Variants in CTIF observed in about 807,000 individuals in gnomAD.
CTIF encodes the protein cap binding complex dependent translation initiation factor.
CTIF carries 21 observed loss-of-function variants against 66.0 expected under a neutral mutation model. The observed-to-expected ratio is 0.32, with a 90% CI of 0.23 to 0.46. CTIF has a LOEUF of 0.46. Among genes scored for constraint, CTIF ranks in the 20% least tolerant of loss-of-function variants. The probability of loss-of-function intolerance (pLI) is 1.00; values close to 1 mark genes in which losing one functional copy is unlikely to be tolerated. For synonymous variants in CTIF, 345 were observed against 326.4 expected (o/e 1.06, Z -0.62); for missense variants, 739 against 812.7 (o/e 0.91, Z 1.10).
chr18:48,766,319 G>T (rs888874876), intron 9 of CTIF, among the ~76,000 whole-genome samples: 1 of 152,108 alleles, frequency 6.6e-6, no homozygotes, highest in Non-Finnish European at 1.5e-5. Context: ...ACCACAGTGG[G>T]AAGTCACAAG....
At chr18:48,627,455 A>C (rs1336718870) in intron 2 of CTIF, among the ~76,000 whole-genome samples, 1 of 152,076 alleles carries the variant, frequency 6.6e-6, no homozygotes, top group African/African-American at 2.4e-5. Flanking sequence ...AAGGTGACTC[A>C]CGCCTGTAAT....
At chr18:48,542,511 T>C (rs1352134655) in intron 1 of CTIF, among the ~76,000 whole-genome samples, 3 of 152,216 alleles carry the variant, frequency 2.0e-5, no homozygotes, top group Non-Finnish European at 2.9e-5. Flanking sequence ...TAGAAGTGCA[T>C]ACAAAGAAAA....
chr18:48,758,241 C>A lies in CTIF; in HGVS notation c.907C>A (p.Leu303Met), dbSNP rs201581371. 207 of 1,613,456 alleles carry A rather than the reference C, an allele frequency of 1.3e-4. No homozygotes were observed. Among genetic ancestry groups the A allele is most frequent in the Non-Finnish European group, 1.7e-4 (201 of 1,179,742 alleles). ...SLEAPRSPDT[L>M]APVASERLPP... ...TGAGGCCCCCCGCAGCCCTGACACC[C>A]TGGCCCCGGTGGCTTCTGAGCGGCT... The change falls in exon 8 of 12, where the codon CTG becomes ATG. Residue 303 changes from leucine to methionine, a missense_variant. By Grantham distance (15) the Leu-to-Met change is conservative (BLOSUM62 2). Transcript: ENST00000256413.
At chr18:48,767,785 G>T (rs1909715395) in intron 9 of CTIF, among the ~76,000 whole-genome samples, 1 of 152,178 alleles carries the variant, frequency 6.6e-6, no homozygotes, top group South Asian at 2.1e-4. Context: ...AAAGAGCGGA[G>T]AAACTCTTCA....
chr18:48,623,090 C>T (rs1457281848), intron 2 of CTIF, among the ~76,000 whole-genome samples: 1 of 152,232 alleles, frequency 6.6e-6, no homozygotes, highest in African/African-American at 2.4e-5. Context: ...GCACCAGCTC[C>T]AGGGATCAGT....
chr18:48,825,930 T>G (rs766298014), intron 10 of CTIF: 4 of 152,158 alleles, frequency 2.6e-5, no homozygotes, highest in Non-Finnish European at 4.4e-5. Flanking sequence ...CCGGCCAAGG[T>G]TAAGGAACAT....
intron 6 of CTIF, among the ~76,000 whole-genome samples, chr18:48,691,731 C>A (rs1359275848): frequency 6.6e-6 from 1 of 152,186 alleles, no homozygotes; most frequent in African/African-American, 2.4e-5. Context: ...CCTCTCCCTC[C>A]CAGACCCAAG....
At chr18:48,805,817 C>A (rs898747626) in intron 9 of CTIF, among the ~76,000 whole-genome samples, 2 of 152,226 alleles carry the variant, frequency 1.3e-5, no homozygotes, top group Non-Finnish European at 2.9e-5. Flanking sequence ...AGATTAACAG[C>A]CCCCTACCCT....
At chr18:48,787,520 G>A (rs575886899) in intron 9 of CTIF, among the ~76,000 whole-genome samples, 136 of 152,158 alleles carry the variant, frequency 8.9e-4, no homozygotes, top group Non-Finnish European at 1.8e-3. Flanking sequence ...GGCCTCAGCC[G>A]CCTCCATTCT....
chr18:48,761,285 C>A lies in CTIF; in HGVS notation c.1072-105C>A. 9.3e-7 allele frequency: 1 copy of A among 1,072,128 alleles called. No individual in the cohort carries two copies. Among genetic ancestry groups the A allele is most frequent in the Non-Finnish European group, 1.4e-6 (1 of 738,530 alleles). 66.4% of individuals were successfully genotyped at this position (1,072,128 alleles called of 1,614,324 possible). On this transcript the variant is annotated intron_variant, in intron 8 of 11. Transcript: ENST00000256413. This position sits in a 1 kb window ranked among gnomAD's most constrained non-coding sequence, Gnocchi z 4.2. ...CAGCCCTCAGATCCAGGGAAGTAGG[C>A]CTGGTCCTGCTTTCTGGGGGTGGCC... is the stretch of plus-strand genomic sequence containing the variant.
At chr18:48,627,012 AAC>A (rs2090616935) in intron 2 of CTIF, among the ~76,000 whole-genome samples, 1 of 152,214 alleles carries the variant, frequency 6.6e-6, no homozygotes, top group Non-Finnish European at 1.5e-5. Flanking sequence ...CAATTGGAAA[AAC>A]AGAGGCAAGT....
At chr18:48,693,060 T>TA (rs1446944193) in intron 6 of CTIF, among the ~76,000 whole-genome samples, 1 of 152,350 alleles carries the variant, frequency 6.6e-6, no homozygotes, top group East Asian at 1.9e-4. Context: ...ATTAGGCCCT[T>TA]ACGTGCTTTT....
At chr18:48,690,430 G>A (rs530327722) in intron 6 of CTIF, among the ~76,000 whole-genome samples, 26 of 152,192 alleles carry the variant, frequency 1.7e-4, no homozygotes, top group African/African-American at 6.0e-4. Flanking sequence ...CCATCACGTG[G>A]AAGACAAGCT....
intron 1 of CTIF, among the ~76,000 whole-genome samples, chr18:48,576,290 G>A (rs1222388691): frequency 2.0e-5 from 3 of 152,254 alleles, no homozygotes; most frequent in Non-Finnish European, 2.9e-5. Flanking sequence ...TCAGTGTCGC[G>A]TGATGTGTTC....
chr18:48,580,777 G>T (rs1244895566), intron 1 of CTIF, among the ~76,000 whole-genome samples: 1 of 152,108 alleles, frequency 6.6e-6, no homozygotes, highest in Non-Finnish European at 1.5e-5. Flanking sequence ...TTGGAATTTT[G>T]GCTCCCCCGC....
intron 7 of CTIF, among the ~76,000 whole-genome samples, chr18:48,728,022 C>T (rs188037892): frequency 1.3e-3 from 205 of 152,256 alleles, no homozygotes; most frequent in Admixed American, 2.2e-3. Context: ...CAAGAAGAAA[C>T]CAGGCAGCCC....
At chr18:48,723,087 G>A (rs975188106) in intron 7 of CTIF, among the ~76,000 whole-genome samples, 1 of 152,176 alleles carries the variant, frequency 6.6e-6, no homozygotes, top group Admixed American at 6.5e-5. Flanking sequence ...GAAAAGTGAA[G>A]CGACACAAGC....
At chr18:48,550,051 GT>G (rs1188021268) in intron 1 of CTIF, among the ~76,000 whole-genome samples, 1 of 152,100 alleles carries the variant, frequency 6.6e-6, no homozygotes, top group Non-Finnish European at 1.5e-5. Context: ...ATCACTATAG[GT>G]TTGCCATTTC....
chr18:48,725,342 C>T (rs1477636292), intron 7 of CTIF, among the ~76,000 whole-genome samples: 1 of 152,156 alleles, frequency 6.6e-6, no homozygotes, highest in Non-Finnish European at 1.5e-5. Context: ...TCATCAGGGC[C>T]TCTTTAGGCA....
Sources: gnomAD v4.1 joint callset for allele counts (sites outside exome capture counted in the v4.1 genomes callset) on GRCh38, gnomAD v4.1.1 for gene constraint, Gnocchi (gnomAD v3.1) non-coding constraint, MANE v1.5 for transcripts, NCBI Gene and HGNC (gene_info 2026-07-23, HGNC 2026-07-21) for gene names.